The following NBPF14 variants were observed in gnomAD, a reference collection of about 807,000 sequenced individuals.
NBPF14 encodes the protein NBPF family member NBPF14.
NBPF14 carries 104 observed loss-of-function variants against 91.2 expected under a neutral mutation model. The ratio of observed to expected loss-of-function variants is 1.14; its 90% CI spans 0.97 to 1.34. NBPF14 has a LOEUF of 1.34. Ranked by LOEUF, NBPF14 falls within the 40% of genes most tolerant of loss-of-function variation. The pLI is 0.00. For synonymous variants in NBPF14, 294 were observed against 303.8 expected (o/e 0.97, Z 0.34); for missense variants, 908 against 783.0 (o/e 1.16, Z -1.91).
chr1:148,533,950 C>T (rs1302466011), exon 70 of NBPF14: 2 of 722,956 alleles, frequency 2.8e-6, no homozygotes, highest in Admixed American at 2.0e-5. Flanking sequence ...TTTTTTTCCC[C>T]TTCCCCTTCT....
Position 148,533,895 on chromosome 1 carries a change from CT to C in NBPF14, c.8688del (p.Glu2897LysfsTer17), listed in dbSNP as rs1570891338. The C allele has an allele frequency of 1.3e-6, 1 of 758,748 alleles. No individual in the cohort carries two copies. The allele number at this position is 758,748 out of a possible 1,614,324, so 47.0% of individuals were successfully genotyped here. A position where few individuals can be genotyped will look rare whatever the true frequency, so the allele number is the denominator to read the frequency against. ...GGTGGGTTTTGATCTTCTTCCCCTT[CT>C]TTTCTTCCCCTTCTTCTTTCCTTCT... On this transcript the variant is annotated frameshift_variant, in exon 70 of 71. Transcript: ENST00000619423. LOFTEE classifies it high-confidence loss of function.
rs1349446083 is a variant in NBPF14 at position 148,542,122 on chromosome 1, T to A, written c.7376-283A>T. 1.7e-4 allele frequency among the ~76,000 whole-genome samples: 18 copies of A among 104,088 alleles called. 1 individual carries two copies. The highest frequency in any genetic ancestry group is 2.7e-4 in the Non-Finnish European group (16 of 58,928). 68.3% of individuals were successfully genotyped at this position (104,088 alleles called of 152,430 possible). On this transcript the variant is annotated intron_variant, in intron 59 of 70. Transcript: ENST00000619423. ...TTACGCCATATTTTTCCAATCAACT[T>A]AAAGCATATACCCTCAAATGATTTC... is the stretch of plus-strand genomic sequence containing the variant.
intron 6 of NBPF14, among the ~76,000 whole-genome samples, chr1:148,590,139 C>A (rs1360690446): frequency 1.5e-5 from 2 of 136,928 alleles, no homozygotes; most frequent in South Asian, 2.4e-4. Context: ...AGCTCCGGTT[C>A]CTGGGTTCAT....
Position 148,587,351 on chromosome 1 carries a change from C to T in NBPF14, c.1041G>A (p.Gln347=), listed in dbSNP as rs1335683545. 3 of 1,583,460 alleles carry T rather than the reference C, an allele frequency of 1.9e-6. No homozygotes were observed. The African/African-American group carries it at 4.1e-5, about 22-fold the overall frequency. ...GCTCCGCAAGCTTCTCCTCCTTGAA[C>T]TGTCGCTCATTCCTCAGCATAAATT... Residue 347 remains glutamine (Q), a synonymous_variant, in exon 8 of 71, where the codon CAG becomes CAA. Transcript: ENST00000619423.
At chr1:148,594,940 C>T (rs1463279376) in intron 2 of NBPF14, among the ~76,000 whole-genome samples, 5 of 117,410 alleles carry the variant, frequency 4.3e-5, no homozygotes, top group Non-Finnish European at 8.5e-5. Flanking sequence ...TCGTGCTCTG[C>T]CCGCCTCAGC....
At chr1:148,534,274 T>A (rs1185709096) in intron 69 of NBPF14, among the ~76,000 whole-genome samples, 77 of 151,898 alleles carry the variant, frequency 5.1e-4, no homozygotes, top group African/African-American at 1.7e-3. Flanking sequence ...CCTCAATGAT[T>A]TCTAGGAGAA....
chr1:148,568,772 TCC>T (rs1658712443), intron 25 of NBPF14, among the ~76,000 whole-genome samples: 2 of 80,816 alleles, frequency 2.5e-5, no homozygotes, highest in Non-Finnish European at 5.3e-5. Flanking sequence ...ATATCATTTG[TCC>T]CAAGTTTGTG....
At position 148,566,300 on chromosome 1, in the gene NBPF14, C is replaced by A; in HGVS notation, c.3558G>T (p.Leu1186=). The A allele has an allele frequency of 5.7e-6, 4 of 695,742 alleles. No individual in the cohort carries two copies. The South Asian group carries it at 6.1e-5, about 11-fold the overall frequency. 43.1% of individuals were successfully genotyped at this position (695,742 alleles called of 1,614,324 possible). ...AGACTTCAGGCTCTACTACCTCCAGCAGCTCCCTGCTGAGCCTGGAAAAGG... is the reference window on the plus strand; with the variant it reads ...AGACTTCAGGCTCTACTACCTCCAGAAGCTCCCTGCTGAGCCTGGAAAAGG... The change falls in exon 29 of 71, where the codon CTG becomes CTT. Residue 1186 remains leucine, a synonymous_variant. Coordinates refer to ENST00000619423, the Ensembl canonical transcript of NBPF14.
chr1:148,559,580 A>C (rs1285883109), intron 37 of NBPF14, among the ~76,000 whole-genome samples: 1 of 123,376 alleles, frequency 8.1e-6, no homozygotes, highest in East Asian at 2.4e-4. Flanking sequence ...CGCCACAGGC[A>C]TGGCCTGAGA....
intron 6 of NBPF14, among the ~76,000 whole-genome samples, chr1:148,590,154 A>G (rs1474940073): frequency 7.2e-6 from 1 of 138,206 alleles, no homozygotes; most frequent in Non-Finnish European, 1.6e-5. Context: ...GTTCATGCCA[A>G]TTCTCCTGCC....
In NBPF14 at chr1:148,533,842, C is replaced by A. The variant is rs1416319554; in HGVS notation, c.8723+19G>T. The A allele has an allele frequency of 5.2e-6, 4 of 765,964 alleles. No homozygotes were observed. The highest frequency in any genetic ancestry group is 2.4e-5 in the East Asian group (1 of 41,236). The allele number at this position is 765,964 out of a possible 1,614,324, so 47.4% of individuals were successfully genotyped here. A position where few individuals can be genotyped will look rare whatever the true frequency, so the allele number is the denominator to read the frequency against. On this transcript the variant is annotated intron_variant, in intron 70 of 70. Transcript: ENST00000619423. ...AGGAGTTAACACAGAACTAAGGATC[C>A]ACAATTGCTGAAAGTCACCTGGGGC...
chr1:148,566,536 C>G (rs1658390912), intron 28 of NBPF14, among the ~76,000 whole-genome samples: 1 of 120,640 alleles, frequency 8.3e-6, no homozygotes, highest in African/African-American at 2.8e-5. Context: ...CACACACACA[C>G]ACACAAACAC....
chr1:148,557,075 C>CAA (rs1656698987), intron 40 of NBPF14, among the ~76,000 whole-genome samples: 1 of 125,278 alleles, frequency 8.0e-6, no homozygotes, highest in Non-Finnish European at 1.5e-5. Context: ...CACACACACA[C>CAA]ACACACACAC....
In NBPF14 at chr1:148,542,073, T is replaced by C. The variant is rs1346976401; in HGVS notation, c.7376-234A>G. Among the ~76,000 whole-genome samples, 6 of 93,862 alleles carry C rather than the reference T, an allele frequency of 6.4e-5. No homozygotes were observed. The South Asian group carries it at 2.1e-3, about 33-fold the overall frequency. 61.6% of individuals were successfully genotyped at this position (93,862 alleles called of 152,430 possible). ...CTAGTAGATCGTTATCCCAATATCA[T>C]TTGTCCCAAGTTTGTGCAAACAGTT... On this transcript the variant is annotated intron_variant, in intron 59 of 70. Transcript: ENST00000619423.
intron 70 of NBPF14, among the ~76,000 whole-genome samples, chr1:148,533,509 C>A (rs1325186683): frequency 1.3e-5 from 2 of 151,402 alleles, no homozygotes; most frequent in African/African-American, 2.4e-5. Context: ...AGGTGACATA[C>A]TGGTAAGGGA....
chr1:148,566,598 T>C (rs1445021611), intron 28 of NBPF14, among the ~76,000 whole-genome samples: 1 of 140,582 alleles, frequency 7.1e-6, no homozygotes, highest in Non-Finnish European at 1.6e-5. Flanking sequence ...GACACACTGA[T>C]GAGGGAGTAA....
At chr1:148,581,512 A>C (rs1660935716) in intron 12 of NBPF14, among the ~76,000 whole-genome samples, 1 of 151,742 alleles carries the variant, frequency 6.6e-6, no homozygotes, top group Non-Finnish European at 1.5e-5. Flanking sequence ...CATCCTCTCC[A>C]GCACCTTCAA....
rs1657733675 is a variant in NBPF14 at position 148,561,642 on chromosome 1, T to A, written c.4275-63A>T. The A allele has an allele frequency of 9.7e-6, 3 of 309,146 alleles. No homozygotes were observed. In the South Asian group the frequency reaches 9.8e-5, roughly 10 times the overall value. 19.2% of individuals were successfully genotyped at this position (309,146 alleles called of 1,614,324 possible). The stretch of plus-strand genomic sequence containing the variant: ...AAATCAGACACAACAGAGCCCCAAC[T>A]AGGTTTCATGGGTAGCATAGGGAAG... On this transcript the variant is annotated intron_variant, in intron 34 of 70. Coordinates refer to ENST00000619423, the Ensembl canonical transcript of NBPF14.
intron 36 of NBPF14, among the ~76,000 whole-genome samples, chr1:148,560,167 G>C (rs1421122903): frequency 6.6e-6 from 1 of 150,384 alleles, no homozygotes; most frequent in South Asian, 2.1e-4. Flanking sequence ...GAGAGAGAGA[G>C]ACAGAGACAG....
Sources: gnomAD v4.1 joint callset for allele counts (sites outside exome capture counted in the v4.1 genomes callset) on GRCh38, gnomAD v4.1.1 for gene constraint, MANE v1.5 for transcripts, NCBI Gene and HGNC (gene_info 2026-07-23, HGNC 2026-07-21) for gene names.